The following CSMD3 variants were observed in gnomAD, a reference collection of about 807,000 sequenced individuals.
CSMD3 encodes CUB and Sushi multiple domains 3.
In CSMD3, 177 loss-of-function variants were observed where a neutral mutation model predicts 435.2. The observed-to-expected ratio is 0.41, with a 90% CI of 0.36 to 0.46. The LOEUF is 0.46. CSMD3 is among the 20% of genes least tolerant of loss of function. The pLI is 0.34. For missense variants in CSMD3, 4,265 were observed against 4,504.6 expected (o/e 0.95, Z 1.52); for synonymous variants, 1,656 against 1,520.5 (o/e 1.09, Z -2.07).
rs1453354962 is a variant in CSMD3 at position 112,882,185 on chromosome 8, G to T, written c.1634-22919C>A. On this transcript the variant is annotated intron_variant, in intron 10 of 70. Coordinates refer to ENST00000297405, the MANE Select transcript of CSMD3 (RefSeq NM_198123.2). ...GGACCCCAGAGTCTTTATGTCAAAA[G>T]GAAAAATTAAGCTTGGAAACTGAGT... is the stretch of plus-strand genomic sequence containing the variant. 2.0e-5 allele frequency among the ~76,000 whole-genome samples: 3 copies of T among 151,950 alleles called. No individual in the cohort carries two copies. In the East Asian group the frequency reaches 5.9e-4, roughly 30 times the overall value.
intron 65 of CSMD3, 66 bp downstream of exon 65, chr8:112,244,328 G>GT: frequency 7.3e-7 from 1 of 1,372,806 alleles, no homozygotes; most frequent in South Asian, 1.2e-5. Flanking sequence ...TTGAGTTTTT[G>GT]TCTGGAGCAA....
chr8:113,210,043 T>TGA (rs2092815570), intron 3 of CSMD3, among the ~76,000 whole-genome samples: 1 of 147,640 alleles, frequency 6.8e-6, no homozygotes. Flanking sequence ...TGTGTGTGTG[T>TGA]GTGATACACA....
At chr8:112,880,427 A>T (rs1391709134) in intron 10 of CSMD3, among the ~76,000 whole-genome samples, 1 of 152,076 alleles carries the variant, frequency 6.6e-6, no homozygotes, top group Non-Finnish European at 1.5e-5. Context: ...GAGTTATGGA[A>T]CCATAAAAGA....
At chr8:112,996,014 T>C (rs1038418499) in intron 6 of CSMD3, among the ~76,000 whole-genome samples, 1 of 151,562 alleles carries the variant, frequency 6.6e-6, no homozygotes, top group African/African-American at 2.4e-5. Context: ...ATTTACTGTG[T>C]ATAATATGAT....
At chr8:113,326,399 A>G (rs2093984184) in intron 1 of CSMD3, among the ~76,000 whole-genome samples, 1 of 151,994 alleles carries the variant, frequency 6.6e-6, no homozygotes, top group Admixed American at 6.6e-5. Flanking sequence ...CATCTACAAT[A>G]ATAATAACAT....
intron 1 of CSMD3, among the ~76,000 whole-genome samples, chr8:113,338,796 T>A (rs1459565639): frequency 6.6e-6 from 1 of 151,952 alleles, no homozygotes; most frequent in Non-Finnish European, 1.5e-5. Context: ...TTAAACTAGA[T>A]CATATTGATG....
At chr8:113,224,681 A>G (rs1380312355) in intron 3 of CSMD3, among the ~76,000 whole-genome samples, 1 of 151,348 alleles carries the variant, frequency 6.6e-6, no homozygotes, top group East Asian at 1.9e-4. Context: ...AAAATAGAAC[A>G]TTATAATTAC....
chr8:113,010,862 G>C (rs2086232015), intron 6 of CSMD3, among the ~76,000 whole-genome samples: 1 of 151,378 alleles, frequency 6.6e-6, no homozygotes, highest in Admixed American at 6.6e-5. Context: ...ATGCTATGAA[G>C]ATTAATCCAA....
intron 9 of CSMD3, among the ~76,000 whole-genome samples, chr8:112,940,462 A>G (rs1170021547): frequency 1.3e-5 from 2 of 151,850 alleles, no homozygotes; most frequent in Non-Finnish European, 1.5e-5. Context: ...GTCTATGAAT[A>G]TAAGGATCCC....
intron 17 of CSMD3, among the ~76,000 whole-genome samples, chr8:112,660,883 A>G (rs2075363934): frequency 6.6e-6 from 1 of 152,202 alleles, no homozygotes; most frequent in Non-Finnish European, 1.5e-5. Flanking sequence ...AAGTGGAAGA[A>G]GCCATGAGAT....
intron 13 of CSMD3, among the ~76,000 whole-genome samples, chr8:112,692,592 G>A (rs1181522791): frequency 1.3e-5 from 2 of 152,034 alleles, no homozygotes; most frequent in South Asian, 4.1e-4. Context: ...TTCCAAATGT[G>A]GATTTGACAA....
chr8:113,094,762 A>T (rs1408440223), intron 5 of CSMD3, among the ~76,000 whole-genome samples: 3 of 152,136 alleles, frequency 2.0e-5, no homozygotes, highest in Non-Finnish European at 4.4e-5. Flanking sequence ...GTTACAAATT[A>T]TATAAATGTA....
chr8:113,185,337 A>C (rs2092483137), intron 3 of CSMD3, among the ~76,000 whole-genome samples: 2 of 152,214 alleles, frequency 1.3e-5, no homozygotes, highest in South Asian at 4.1e-4. Context: ...TGTGGGAAGA[A>C]AGAAAAGGAA....
intron 3 of CSMD3, among the ~76,000 whole-genome samples, chr8:113,223,764 G>C (rs1021567281): frequency 6.7e-6 from 1 of 148,466 alleles, no homozygotes; most frequent in African/African-American, 2.4e-5. Context: ...GTGTGTGTAT[G>C]TGTGTGTGTG....
At chr8:112,413,587 C>T (rs747714001) in intron 32 of CSMD3, among the ~76,000 whole-genome samples, 6 of 152,072 alleles carry the variant, frequency 3.9e-5, no homozygotes, top group Non-Finnish European at 8.8e-5. Flanking sequence ...CCAACAGTTA[C>T]CCTGAAAGCA....
intron 59 of CSMD3, among the ~76,000 whole-genome samples, chr8:112,277,722 T>C (rs1286752895): frequency 6.6e-6 from 1 of 152,134 alleles, no homozygotes; most frequent in African/African-American, 2.4e-5. Context: ...CAGTTCCAAG[T>C]GGCTGGGGAG....
intron 3 of CSMD3, among the ~76,000 whole-genome samples, chr8:113,247,754 C>A (rs1257779779): frequency 6.6e-6 from 1 of 152,046 alleles, no homozygotes; most frequent in African/African-American, 2.4e-5. Flanking sequence ...TTAGCAATAA[C>A]AGATTCTTAA....
chr8:112,405,225 A>G (rs1235605478), intron 35 of CSMD3, among the ~76,000 whole-genome samples: 1 of 65,520 alleles, frequency 1.5e-5, no homozygotes, highest in Non-Finnish European at 3.1e-5. Flanking sequence ...ATATATATAT[A>G]TATATATATA....
chr8:112,584,920 T>C (rs1214745293), intron 23 of CSMD3, among the ~76,000 whole-genome samples: 1 of 151,752 alleles, frequency 6.6e-6, no homozygotes, highest in Non-Finnish European at 1.5e-5. Flanking sequence ...CACCCTAAGA[T>C]GACTTTAGGC....
Sources: allele counts gnomAD v4.1 joint callset (sites outside exome capture counted in the v4.1 genomes callset), GRCh38; gene constraint gnomAD v4.1.1; transcripts MANE v1.5; gene names NCBI Gene and HGNC (gene_info 2026-07-23, HGNC 2026-07-21).